The following MED26 variants were observed in gnomAD, a reference collection of about 807,000 sequenced individuals.
MED26 encodes the protein mediator of RNA polymerase II transcription subunit 26.
MED26 carries 7 observed loss-of-function variants against 43.7 expected under a neutral mutation model. The observed-to-expected ratio is 0.16, with a 90% confidence interval of 0.09 to 0.30. The LOEUF (loss-of-function observed/expected upper bound fraction) is 0.30. MED26 is among the 10% of genes least tolerant of loss of function. The pLI is 1.00. For synonymous variants in MED26, 375 were observed against 371.1 expected (o/e 1.01, Z -0.12); for missense variants, 784 against 840.6 (o/e 0.93, Z 0.83).
chr19:16,609,222 G>C (rs1316905164), intron 1 of MED26, among the ~76,000 whole-genome samples: 1 of 139,212 alleles, frequency 7.2e-6, no homozygotes, highest in Non-Finnish European at 1.5e-5. Context: ...GGCAGCATGA[G>C]AATCACTTGA....
chr19:16,599,875 G>A (rs2086140386), intron 1 of MED26, among the ~76,000 whole-genome samples: 1 of 152,230 alleles, frequency 6.6e-6, no homozygotes, highest in Non-Finnish European at 1.5e-5. Context: ...GGACAGGAGA[G>A]AGGCTATGTG....
chr19:16,616,385 C>CA (rs2086226339), intron 1 of MED26, among the ~76,000 whole-genome samples: 1 of 152,176 alleles, frequency 6.6e-6, no homozygotes, highest in South Asian at 2.1e-4. Context: ...CACTATATGC[C>CA]ACCTAAAGAG....
Position 16,592,461 on chromosome 19 carries a change from C to T in MED26, c.73-14052G>A, listed in dbSNP as rs115508890. On this transcript the variant is annotated intron_variant, in intron 1 of 2. Coordinates refer to ENST00000263390, the MANE Select transcript of MED26 (RefSeq NM_004831.5). ...TCCAGGCTGGTGGGGGACGTACCGC[C>T]ACCAACCAGCAATGGCCACTGTCAG... 6.3e-3 allele frequency among the ~76,000 whole-genome samples: 960 copies of T among 152,322 alleles called. 14 individuals carry two copies. The highest frequency in any genetic ancestry group is 0.021 in the African/African-American group (876 of 41,566).
chr19:16,624,196 T>C lies in MED26; in HGVS notation c.72+3676A>G, dbSNP rs565136152. The C allele has an allele frequency of 2.0e-5, 3 of 152,078 alleles. No individual in the cohort carries two copies. The East Asian group carries it at 5.8e-4, about 29-fold the overall frequency. 9.4% of individuals were successfully genotyped at this position (152,078 alleles called of 1,614,324 possible). A position where few individuals can be genotyped will look rare whatever the true frequency, so the allele number is the denominator to read the frequency against. ...TCTGAACTTAGATCTGGAAGGAGCTTTATGGGGTGCATACACCAGTTCCCA... is the reference window on the plus strand; with the variant it reads ...TCTGAACTTAGATCTGGAAGGAGCTCTATGGGGTGCATACACCAGTTCCCA... On this transcript the variant is annotated intron_variant, in intron 1 of 2. Coordinates refer to ENST00000263390, the MANE Select transcript of MED26 (RefSeq NM_004831.5).
chr19:16,623,017 T>C (rs566457903), intron 1 of MED26, among the ~76,000 whole-genome samples: 1 of 152,318 alleles, frequency 6.6e-6, no homozygotes, highest in Non-Finnish European at 1.5e-5. Context: ...GGTGCCTTTT[T>C]ACATCTGTAT....
intron 1 of MED26, among the ~76,000 whole-genome samples, chr19:16,609,311 CAAAAAAAAAAAA>C (rs777358965): frequency 7.6e-4 from 19 of 25,070 alleles, no homozygotes; most frequent in Middle Eastern, 0.033. Flanking sequence ...GACTCCGTCT[CAAAAAAAAAAAA>C]AAAAAAAAAA....
chr19:16,623,701 C>T (rs931520805), intron 1 of MED26, among the ~76,000 whole-genome samples: 4 of 152,120 alleles, frequency 2.6e-5, no homozygotes, highest in South Asian at 2.1e-4. Context: ...GATCCTCACA[C>T]GTTTTCTTAC....
At chr19:16,610,307 AAAT>A (rs913095088) in intron 1 of MED26, 9 of 152,206 alleles carry the variant, frequency 5.9e-5, no homozygotes, top group African/African-American at 1.4e-4. Context: ...TTGCCTCTAA[AAAT>A]AATAATAATC....
chr19:16,580,374 GT>G (rs111862879), intron 1 of MED26, among the ~76,000 whole-genome samples: 53 of 144,792 alleles, frequency 3.7e-4, no homozygotes, highest in African/African-American at 9.6e-4. Context: ...CTCTTATTTT[GT>G]TTTTTTTTTT....
intron 1 of MED26, among the ~76,000 whole-genome samples, chr19:16,616,630 T>C (rs549686557): frequency 2.6e-5 from 4 of 152,066 alleles, no homozygotes; most frequent in African/African-American, 9.6e-5. Flanking sequence ...ATGAAGAAGG[T>C]GTATCCACTT....
chr19:16,627,819 GA>G, intron 1 of MED26, 52 bp downstream of exon 1: 2 of 1,341,090 alleles, frequency 1.5e-6, no homozygotes, highest in Non-Finnish European at 2.0e-6. Context: ...AGGAGAGGGG[GA>G]GGGTCCCGGG....
intron 1 of MED26, among the ~76,000 whole-genome samples, chr19:16,627,362 G>T (rs554585992): frequency 3.0e-4 from 46 of 152,294 alleles, no homozygotes; most frequent in African/African-American, 1.1e-3. Flanking sequence ...GGTTCTCTCC[G>T]AAGCCAGGAA....
intron 1 of MED26, chr19:16,611,258 G>T (rs185404359): frequency 6.6e-6 from 1 of 152,258 alleles, no homozygotes; most frequent in African/African-American, 2.4e-5. Context: ...AGAGCCATGG[G>T]GTGTGGCTTC....
intron 1 of MED26, among the ~76,000 whole-genome samples, chr19:16,619,549 A>C (rs1367060096): frequency 6.6e-6 from 1 of 152,188 alleles, no homozygotes; most frequent in African/African-American, 2.4e-5. Context: ...CAATGTGACC[A>C]GGAGTGTGGG....
At chr19:16,591,363 A>G (rs556803771) in intron 1 of MED26, among the ~76,000 whole-genome samples, 11 of 152,290 alleles carry the variant, frequency 7.2e-5, no homozygotes, top group African/African-American at 2.4e-4. Flanking sequence ...TGCACTCCCC[A>G]TCTCAGACCA....
intron 1 of MED26, among the ~76,000 whole-genome samples, chr19:16,609,370 C>CA (rs2086189356): frequency 7.2e-6 from 1 of 138,282 alleles, no homozygotes; most frequent in African/African-American, 2.7e-5. Context: ...AAAGTCATGT[C>CA]AAAACCAATC....
chr19:16,627,327 C>T (rs1015164446), intron 1 of MED26, among the ~76,000 whole-genome samples: 2 of 152,150 alleles, frequency 1.3e-5, no homozygotes, highest in African/African-American at 2.4e-5. Context: ...CCCTAGGTAC[C>T]CGGCCAGGGG....
At chr19:16,608,091 C>G (rs941194316) in intron 1 of MED26, among the ~76,000 whole-genome samples, 9 of 152,268 alleles carry the variant, frequency 5.9e-5, no homozygotes, top group Admixed American at 4.6e-4. Flanking sequence ...CGTCTGCACA[C>G]GTTCCAATAC....
At chr19:16,601,048 C>T (rs1488170234) in intron 1 of MED26, among the ~76,000 whole-genome samples, 2 of 151,968 alleles carry the variant, frequency 1.3e-5, no homozygotes, top group African/African-American at 4.8e-5. Context: ...TGAGACTGTG[C>T]TACTGCACTC....
Sources: allele counts gnomAD v4.1 joint callset (sites outside exome capture counted in the v4.1 genomes callset), GRCh38; gene constraint gnomAD v4.1.1; transcripts MANE v1.5; gene names NCBI Gene and HGNC (gene_info 2026-07-23, HGNC 2026-07-21).